FHIT: variants seen among roughly 807,000 people sequenced by gnomAD.
FHIT encodes the protein bis(5'-adenosyl)-triphosphatase.
FHIT carries 19 observed loss-of-function variants against 17.9 expected under a neutral mutation model. That is an observed-to-expected ratio of 1.06 (90% CI 0.74 to 1.56). The LOEUF (loss-of-function observed/expected upper bound fraction) is 1.56. FHIT is among the 40% of genes most tolerant of loss of function. The pLI is 0.00. For synonymous variants in FHIT, 81 were observed against 69.7 expected (o/e 1.16, Z -0.81); for missense variants, 248 against 189.2 (o/e 1.31, Z -1.82).
At chr3:59,858,768 A>G (rs1328937201) in intron 8 of FHIT, among the ~76,000 whole-genome samples, 1 of 152,116 alleles carries the variant, frequency 6.6e-6, no homozygotes, top group African/African-American at 2.4e-5. Flanking sequence ...GAGTATATAT[A>G]TTAAGGATAA....
intron 3 of FHIT, among the ~76,000 whole-genome samples, chr3:60,947,672 G>C (rs1012779501): frequency 6.6e-6 from 1 of 152,168 alleles, no homozygotes; most frequent in Non-Finnish European, 1.5e-5. Flanking sequence ...CAGACATCCA[G>C]AATGGTCTTG....
chr3:60,588,535 T>C (rs1300715456), intron 4 of FHIT, among the ~76,000 whole-genome samples: 2 of 151,926 alleles, frequency 1.3e-5, no homozygotes, highest in African/African-American at 4.8e-5. Flanking sequence ...TCATCTGCAT[T>C]AGAATCTTCT....
chr3:60,964,520 C>A (rs1431944171), intron 3 of FHIT, among the ~76,000 whole-genome samples: 2 of 152,158 alleles, frequency 1.3e-5, no homozygotes, highest in African/African-American at 4.8e-5. Flanking sequence ...GCAGTTTCTT[C>A]CTAGCATCAA....
intron 5 of FHIT, among the ~76,000 whole-genome samples, chr3:60,245,530 A>G (rs1018660278): frequency 2.6e-5 from 4 of 152,130 alleles, no homozygotes; most frequent in African/African-American, 7.2e-5. Context: ...CTAACTGAAC[A>G]TTACAATTTC....
intron 4 of FHIT, among the ~76,000 whole-genome samples, chr3:60,742,836 C>T (rs1309814020): frequency 3.3e-5 from 5 of 152,190 alleles, no homozygotes; most frequent in African/African-American, 1.2e-4. Context: ...ATGACAATCA[C>T]AACTAATCGA....
intron 4 of FHIT, among the ~76,000 whole-genome samples, chr3:60,639,266 T>G (rs2039667226): frequency 6.6e-6 from 1 of 151,882 alleles, no homozygotes; most frequent in Non-Finnish European, 1.5e-5. Flanking sequence ...AGCTAGGACT[T>G]GAGGGACTAA....
chr3:60,536,834 T>G (rs370074235), intron 5 of FHIT, 26 bp downstream of exon 5: 1 of 1,567,636 alleles, frequency 6.4e-7, no homozygotes, highest in Non-Finnish European at 8.6e-7. Context: ...TTATTTTCCC[T>G]CTCCAAAAAA....
At chr3:60,694,703 G>T (rs1553700210) in intron 4 of FHIT, among the ~76,000 whole-genome samples, 1 of 152,086 alleles carries the variant, frequency 6.6e-6, no homozygotes, top group Non-Finnish European at 1.5e-5. Context: ...AGAAAATATG[G>T]CACATATACA....
intron 4 of FHIT, among the ~76,000 whole-genome samples, chr3:60,774,521 G>A (rs911183818): frequency 1.3e-5 from 2 of 152,014 alleles, no homozygotes; most frequent in Non-Finnish European, 2.9e-5. Context: ...GGCTGGTCTC[G>A]AACTCCTGAC....
intron 7 of FHIT, among the ~76,000 whole-genome samples, chr3:60,002,372 G>A (rs535812759): frequency 5.9e-5 from 9 of 152,184 alleles, no homozygotes; most frequent in East Asian, 5.8e-4. Context: ...GAAGGCTTCC[G>A]AAGATATATG....
intron 5 of FHIT, among the ~76,000 whole-genome samples, chr3:60,269,560 CTT>C (rs1291912840): frequency 6.6e-6 from 1 of 152,166 alleles, no homozygotes; most frequent in Non-Finnish European, 1.5e-5. Context: ...CTGTGTATGA[CTT>C]AAACACAAAA....
chr3:59,860,402 G>A (rs1269664055), intron 8 of FHIT, among the ~76,000 whole-genome samples: 1 of 152,196 alleles, frequency 6.6e-6, no homozygotes, highest in East Asian at 1.9e-4. Context: ...GAGAGTACTT[G>A]CAAACAAGCA....
Position 60,966,855 on chromosome 3 carries a change from C to T in FHIT, c.-111+75192G>A, listed in dbSNP as rs543374818. Among the ~76,000 whole-genome samples, 204 of 152,260 alleles carry T rather than the reference C, an allele frequency of 1.3e-3. 1 individual carries two copies. The highest frequency in any genetic ancestry group is 4.8e-3 in the African/African-American group (198 of 41,546). ...GGTAAGAGAACTGTGGTACATTTTA[C>T]ACATAAAGTCCTAAGGTGCAGTATT... On this transcript the variant is annotated intron_variant, in intron 3 of 9. Transcript: ENST00000492590.
At chr3:59,753,296 CA>C (rs1421651998) in intron 8 of FHIT, among the ~76,000 whole-genome samples, 2 of 152,110 alleles carry the variant, frequency 1.3e-5, no homozygotes, top group African/African-American at 2.4e-5. Flanking sequence ...AAACAACTTA[CA>C]AAAAATTAAC....
chr3:60,923,135 G>A (rs373315378), intron 3 of FHIT, among the ~76,000 whole-genome samples: 1 of 152,166 alleles, frequency 6.6e-6, no homozygotes, highest in Non-Finnish European at 1.5e-5. Flanking sequence ...AGTGGTTTAT[G>A]GGAATAAAAA....
At chr3:60,997,965 C>T (rs1278886230) in intron 3 of FHIT, among the ~76,000 whole-genome samples, 1 of 152,070 alleles carries the variant, frequency 6.6e-6, no homozygotes, top group Non-Finnish European at 1.5e-5. Context: ...TCTGATTATA[C>T]CTATAAAGAT....
At chr3:59,925,753 G>A (rs893269525) in intron 7 of FHIT, among the ~76,000 whole-genome samples, 3 of 152,156 alleles carry the variant, frequency 2.0e-5, no homozygotes, top group African/African-American at 7.2e-5. Context: ...AACCCACCCT[G>A]ATATCGTGAC....
intron 3 of FHIT, among the ~76,000 whole-genome samples, chr3:60,865,909 G>C (rs1256751945): frequency 6.6e-6 from 1 of 152,068 alleles, no homozygotes; most frequent in Non-Finnish European, 1.5e-5. Context: ...TTACTTAGAG[G>C]GAGATAAGAT....
At chr3:59,754,469 T>C (rs1701096473) in intron 8 of FHIT, among the ~76,000 whole-genome samples, 1 of 152,210 alleles carries the variant, frequency 6.6e-6, no homozygotes, top group Admixed American at 6.5e-5. Context: ...ATTTTCATTT[T>C]GATACTACCT....
Sources: gnomAD v4.1 joint callset for allele counts (sites outside exome capture counted in the v4.1 genomes callset) on GRCh38, gnomAD v4.1.1 for gene constraint, MANE v1.5 for transcripts, NCBI Gene and HGNC (gene_info 2026-07-23, HGNC 2026-07-21) for gene names.